Variants in AP3B1 observed in about 807,000 individuals in gnomAD.
AP3B1 encodes adaptor related protein complex 3 subunit beta 1.
In AP3B1, 61 loss-of-function variants were observed where a neutral mutation model predicts 132.5. The observed-to-expected ratio is 0.46, with a 90% CI of 0.37 to 0.57. The LOEUF is 0.57. Ranked by LOEUF, AP3B1 falls within the 20% of genes least tolerant of loss-of-function variation. The pLI, the probability that AP3B1 is intolerant of heterozygous loss-of-function variation, is 0.00. For synonymous variants in AP3B1, 388 were observed against 438.3 expected, an observed-to-expected ratio of 0.89 and a Z score of 1.43; for missense variants, 1,120 against 1,289.4, an observed-to-expected ratio of 0.87 and a Z score of 2.01.
intron 5 of AP3B1, among the ~76,000 whole-genome samples, chr5:78,226,240 C>T (rs935342669): frequency 6.6e-6 from 1 of 151,976 alleles, no homozygotes; most frequent in African/African-American, 2.4e-5. Context: ...GGATCTTATC[C>T]CATAAGTTTC....
intron 1 of AP3B1, among the ~76,000 whole-genome samples, chr5:78,280,547 C>T (rs1046159674): frequency 4.6e-5 from 7 of 152,188 alleles, no homozygotes; most frequent in African/African-American, 1.7e-4. Flanking sequence ...TCCGTTTGTG[C>T]ATCAAGTTTG....
chr5:78,057,745 ATAT>A (rs1488496235), intron 22 of AP3B1, among the ~76,000 whole-genome samples: 3 of 151,606 alleles, frequency 2.0e-5, no homozygotes. Context: ...ATTTAGTTAA[ATAT>A]TACTACCCAC....
At chr5:78,238,904 GC>G in intron 3 of AP3B1, among the ~76,000 whole-genome samples, 1 of 149,896 alleles carries the variant, frequency 6.7e-6, no homozygotes, top group East Asian at 2.0e-4. Flanking sequence ...AGGGAAGGCT[GC>G]AACTATACGC....
intron 22 of AP3B1, among the ~76,000 whole-genome samples, chr5:78,076,913 T>C (rs1749790676): frequency 6.6e-6 from 1 of 152,182 alleles, no homozygotes. Context: ...TGGTTCTAAT[T>C]TGAATCATTT....
intron 22 of AP3B1, among the ~76,000 whole-genome samples, chr5:78,087,046 C>G (rs1750290783): frequency 6.6e-6 from 1 of 152,150 alleles, no homozygotes; most frequent in South Asian, 2.1e-4. Flanking sequence ...ATACGAGTGC[C>G]AGCATCATTT....
chr5:78,216,426 G>C (rs1445504504), intron 6 of AP3B1, among the ~76,000 whole-genome samples, 189 bp from the exon 7 acceptor site: 1 of 152,098 alleles, frequency 6.6e-6, no homozygotes, highest in Admixed American at 6.6e-5. Flanking sequence ...AATTTTAATA[G>C]TTCTAATATG....
intron 1 of AP3B1, among the ~76,000 whole-genome samples, chr5:78,283,476 A>C (rs1580592104): frequency 1.3e-5 from 2 of 152,264 alleles, no homozygotes; most frequent in South Asian, 4.1e-4. Flanking sequence ...AGTAAGTTCC[A>C]ATTCTCCTAC....
Position 78,278,483 on chromosome 5 carries a change from C to T in AP3B1, c.129-10888G>A, listed in dbSNP as rs557584083. On this transcript the variant is annotated intron_variant, in intron 1 of 26. Transcript: ENST00000255194. ...GCGTAGTGGCGGGCGCCTGTAGTCC[C>T]AGCTACTTGGGAGGCTGAGGCAGGA... Among the ~76,000 whole-genome samples the T allele has an allele frequency of 3.2e-5, 4 of 124,508 alleles. 1 individual carries two copies. Among genetic ancestry groups the T allele is most frequent in the South Asian group, 5.5e-4 (2 of 3,624 alleles). The allele number at this position is 124,508 out of a possible 152,430, so 81.7% of individuals were successfully genotyped here. A position where few individuals can be genotyped will look rare whatever the true frequency, so the allele number is the denominator to read the frequency against.
chr5:78,047,822 C>A (rs938656419), intron 22 of AP3B1, among the ~76,000 whole-genome samples: 5 of 152,194 alleles, frequency 3.3e-5, no homozygotes, highest in Non-Finnish European at 5.9e-5. Context: ...AGTCTTGTGT[C>A]TTCTACCAGC....
chr5:78,155,353 A>C (rs917809975), intron 14 of AP3B1, among the ~76,000 whole-genome samples: 19 of 152,108 alleles, frequency 1.2e-4, no homozygotes, highest in African/African-American at 4.6e-4. Flanking sequence ...TGTCTTTCCT[A>C]CCCTCTTCAG....
chr5:78,091,969 T>C (rs1750534936), intron 21 of AP3B1, among the ~76,000 whole-genome samples: 1 of 152,164 alleles, frequency 6.6e-6, no homozygotes, highest in Non-Finnish European at 1.5e-5. Flanking sequence ...CACAGGGAGA[T>C]TAATATTGAC....
At chr5:78,229,575 CAA>C (rs70997973) in intron 3 of AP3B1, among the ~76,000 whole-genome samples, 9 of 134,280 alleles carry the variant, frequency 6.7e-5, no homozygotes, top group African/African-American at 5.6e-5. Flanking sequence ...TCTAGTAAAA[CAA>C]AAAAAAAAAA....
chr5:78,049,951 T>C (rs1300307682), intron 22 of AP3B1, among the ~76,000 whole-genome samples: 1 of 152,220 alleles, frequency 6.6e-6, no homozygotes, highest in African/African-American at 2.4e-5. Context: ...TGTATCATGT[T>C]ACCCCTCTGC....
chr5:78,101,131 C>G, intron 20 of AP3B1, 106 bp from the exon 21 acceptor site: 1 of 652,308 alleles, frequency 1.5e-6, no homozygotes, highest in Non-Finnish European at 2.7e-6. Flanking sequence ...CTTAGTGGTA[C>G]CAACAAATTA....
chr5:78,086,129 T>C (rs1047434593), intron 22 of AP3B1, among the ~76,000 whole-genome samples: 1 of 151,920 alleles, frequency 6.6e-6, no homozygotes, highest in Admixed American at 6.6e-5. Flanking sequence ...TTCTATTACT[T>C]TGAATCACCC....
intron 22 of AP3B1, among the ~76,000 whole-genome samples, chr5:78,066,128 T>G (rs1312789644): frequency 6.6e-6 from 1 of 151,984 alleles, no homozygotes; most frequent in Non-Finnish European, 1.5e-5. Context: ...AACAACAGCA[T>G]CAACAAAAAA....
At chr5:78,200,948 A>C (rs1488477576) in intron 7 of AP3B1, among the ~76,000 whole-genome samples, 1 of 152,146 alleles carries the variant, frequency 6.6e-6, no homozygotes, top group Non-Finnish European at 1.5e-5. Flanking sequence ...CATTAAAATG[A>C]GGCCATTAGG....
chr5:78,288,605 C>T (rs915290015), intron 1 of AP3B1, among the ~76,000 whole-genome samples: 1 of 152,116 alleles, frequency 6.6e-6, no homozygotes, highest in Non-Finnish European at 1.5e-5. Flanking sequence ...ATAGGGTCCA[C>T]GGAATCAGTC....
At chr5:78,276,944 G>T (rs1342387976) in intron 1 of AP3B1, among the ~76,000 whole-genome samples, 2 of 149,668 alleles carry the variant, frequency 1.3e-5, no homozygotes, top group Admixed American at 6.7e-5. Flanking sequence ...AAAAATCAAT[G>T]ATCTAAGTTT....
Sources: allele counts gnomAD v4.1 joint callset (sites outside exome capture counted in the v4.1 genomes callset), GRCh38; gene constraint gnomAD v4.1.1; transcripts MANE v1.5; gene names NCBI Gene and HGNC (gene_info 2026-07-23, HGNC 2026-07-21).